The following EXOC6B variants were observed in gnomAD, a reference collection of about 807,000 sequenced individuals.
The protein encoded by EXOC6B is exocyst complex component 6B.
A neutral mutation model predicts 113.5 loss-of-function variants in EXOC6B; 54 were observed. The ratio of observed to expected loss-of-function variants is 0.48; its 90% CI spans 0.38 to 0.60. The LOEUF (loss-of-function observed/expected upper bound fraction) is 0.60. Among genes scored for constraint, EXOC6B ranks in the 20% least tolerant of loss-of-function variants. The probability of loss-of-function intolerance (pLI) is 0.00; values close to 1 mark genes in which losing one functional copy is unlikely to be tolerated. For missense variants in EXOC6B, 797 were observed against 977.5 expected (o/e 0.82, Z 2.46); for synonymous variants, 357 against 339.0 (o/e 1.05, Z -0.58).
rs1020271843 is a variant in EXOC6B at position 72,395,671 on chromosome 2, G to T, written c.1981-15801C>A. ...GACTAAAAAGGAAGTGATATGGAGA[G>T]AAATAGCAAAGATTTGGGTTCATAT... On this transcript the variant is annotated intron_variant, in intron 18 of 21. Transcript: ENST00000272427. Among the ~76,000 whole-genome samples, 4 of 152,250 alleles carry T rather than the reference G, an allele frequency of 2.6e-5. No homozygotes were observed. The South Asian group carries it at 8.3e-4, about 32-fold the overall frequency.
intron 5 of EXOC6B, among the ~76,000 whole-genome samples, chr2:72,730,193 T>C (rs1161377757): frequency 6.6e-6 from 1 of 152,156 alleles, no homozygotes; most frequent in Non-Finnish European, 1.5e-5. Context: ...CCCTTTACAA[T>C]AGTTAATTTT....
chr2:72,729,852 G>A (rs1273658524), intron 5 of EXOC6B, among the ~76,000 whole-genome samples: 2 of 152,090 alleles, frequency 1.3e-5, no homozygotes, highest in African/African-American at 2.4e-5. Context: ...ATGAGAGCAT[G>A]TCCTACTATT....
chr2:72,319,841 C>CTT (rs150881201), intron 20 of EXOC6B, among the ~76,000 whole-genome samples: 6 of 146,848 alleles, frequency 4.1e-5, no homozygotes, highest in African/African-American at 7.4e-5. Context: ...TATCAGCAAG[C>CTT]TTTTTTTTTT....
At chr2:72,798,207 T>C (rs1685080433) in intron 1 of EXOC6B, among the ~76,000 whole-genome samples, 1 of 152,172 alleles carries the variant, frequency 6.6e-6, no homozygotes, top group African/African-American at 2.4e-5. Context: ...CCATTTTCCA[T>C]TCTGAAGATT....
rs1677792773 is a variant in EXOC6B, at chr2:72,177,368, T to C, written c.*1967A>G. On this transcript the variant is annotated 3_prime_UTR_variant, in exon 22 of 22. Transcript: ENST00000272427. ...GCACTTAAAGCTGAAGAGATCTTGC[T>C]GCAAACTGGGTACTAGCAAAGAGAA... The C allele has an allele frequency of 6.6e-6, 1 of 152,230 alleles. No homozygotes were observed. The allele number at this position is 152,230 out of a possible 1,614,324, so 9.4% of individuals were successfully genotyped here.
intron 18 of EXOC6B, among the ~76,000 whole-genome samples, chr2:72,419,975 C>T (rs139987825): frequency 1.3e-5 from 2 of 152,150 alleles, no homozygotes; most frequent in East Asian, 1.9e-4. Flanking sequence ...GGGTTGTGTT[C>T]GCTTTTCTTC....
intron 6 of EXOC6B, among the ~76,000 whole-genome samples, chr2:72,672,391 G>A (rs1473623623): frequency 1.3e-5 from 2 of 151,720 alleles, no homozygotes; most frequent in African/African-American, 2.4e-5. Flanking sequence ...AGCACCTTGG[G>A]AGGCTGAGGC....
chr2:72,222,769 C>A (rs1346440752), intron 20 of EXOC6B, among the ~76,000 whole-genome samples: 1 of 152,112 alleles, frequency 6.6e-6, no homozygotes, highest in Non-Finnish European at 1.5e-5. Flanking sequence ...TCATTTAATG[C>A]ATCACCAGCA....
intron 18 of EXOC6B, among the ~76,000 whole-genome samples, chr2:72,451,542 T>A (rs1330191753): frequency 6.6e-6 from 1 of 152,152 alleles, no homozygotes; most frequent in Non-Finnish European, 1.5e-5. Flanking sequence ...TAATCCTACA[T>A]GACATAAAAA....
intron 18 of EXOC6B, among the ~76,000 whole-genome samples, chr2:72,421,281 T>G (rs1239156390): frequency 6.6e-6 from 1 of 152,206 alleles, no homozygotes; most frequent in African/African-American, 2.4e-5. Context: ...TTCTAGATTA[T>G]CTATTCTATT....
intron 18 of EXOC6B, among the ~76,000 whole-genome samples, chr2:72,389,979 A>C (rs1031265970): frequency 5.9e-5 from 9 of 152,082 alleles, no homozygotes; most frequent in African/African-American, 9.7e-5. Context: ...GGTTCAGGAA[A>C]AATTACTCCT....
intron 5 of EXOC6B, among the ~76,000 whole-genome samples, chr2:72,720,374 T>G (rs75758810): frequency 4.6e-5 from 7 of 152,134 alleles, no homozygotes; most frequent in Non-Finnish European, 8.8e-5. Context: ...CAACTACATA[T>G]TGTCTACAAG....
At chr2:72,421,176 A>G (rs1265710600) in intron 18 of EXOC6B, among the ~76,000 whole-genome samples, 1 of 152,104 alleles carries the variant, frequency 6.6e-6, no homozygotes, top group Non-Finnish European at 1.5e-5. Context: ...ACTTTCTCCC[A>G]TTCTCTAGGT....
At chr2:72,580,440 G>T (rs2103858803) in intron 6 of EXOC6B, among the ~76,000 whole-genome samples, 1 of 152,202 alleles carries the variant, frequency 6.6e-6, no homozygotes, top group East Asian at 1.9e-4. Context: ...ACCACACCCG[G>T]CCAGGAATCT....
chr2:72,665,049 C>T (rs768073160), intron 6 of EXOC6B, among the ~76,000 whole-genome samples: 23 of 152,118 alleles, frequency 1.5e-4, no homozygotes, highest in African/African-American at 5.3e-4. Context: ...GATGTGGGTT[C>T]GAGGGCTGGC....
At chr2:72,322,889 A>G (rs987279031) in intron 20 of EXOC6B, among the ~76,000 whole-genome samples, 2 of 152,210 alleles carry the variant, frequency 1.3e-5, no homozygotes. Context: ...TAAAAATCCT[A>G]GAAGAGAACC....
chr2:72,793,481 A>G (rs1460962127), intron 1 of EXOC6B, among the ~76,000 whole-genome samples: 1 of 152,232 alleles, frequency 6.6e-6, no homozygotes, highest in Admixed American at 6.5e-5. Context: ...TCTTGAGAGC[A>G]GAGAAGAACT....
intron 6 of EXOC6B, among the ~76,000 whole-genome samples, chr2:72,634,622 T>C (rs1672700171): frequency 6.6e-6 from 1 of 152,142 alleles, no homozygotes; most frequent in South Asian, 2.1e-4. Flanking sequence ...CTTCAGCACC[T>C]CCACCTCAAC....
At chr2:72,214,770 G>C (rs1447348329) in intron 20 of EXOC6B, among the ~76,000 whole-genome samples, 1 of 152,126 alleles carries the variant, frequency 6.6e-6, no homozygotes, top group Non-Finnish European at 1.5e-5. Context: ...AGATTAATTT[G>C]ATTTTATGAA....
Sources: allele counts gnomAD v4.1 joint callset (sites outside exome capture counted in the v4.1 genomes callset), GRCh38; gene constraint gnomAD v4.1.1; transcripts MANE v1.5; gene names NCBI Gene and HGNC (gene_info 2026-07-23, HGNC 2026-07-21).